Variants in AUTS2 observed in about 807,000 individuals in gnomAD.
AUTS2 encodes the protein activator of transcription and developmental regulator AUTS2.
A neutral mutation model predicts 112.4 loss-of-function variants in AUTS2; 17 were observed. The ratio of observed to expected loss-of-function variants is 0.15; its 90% confidence interval spans 0.10 to 0.23. The LOEUF (loss-of-function observed/expected upper bound fraction) is 0.23, where lower values mean the gene tolerates loss of function less well. Ranked by LOEUF, AUTS2 falls within the 10% of genes least tolerant of loss-of-function variation. The pLI, the probability that AUTS2 is intolerant of heterozygous loss-of-function variation, is 1.00. For missense variants in AUTS2, 1,510 were observed against 1,701.6 expected, an observed-to-expected ratio of 0.89 and a Z score of 1.98; for synonymous variants, 751 against 702.7, an observed-to-expected ratio of 1.07 and a Z score of -1.09.
intron 2 of AUTS2, among the ~76,000 whole-genome samples, chr7:69,914,342 GACACACACACACAGACAC>G (rs1795476517): frequency 1.2e-5 from 1 of 85,594 alleles, no homozygotes; most frequent in Non-Finnish European, 2.3e-5. Flanking sequence ...CACAGACACA[GACACACACACACAGACAC>G]ACACACACAC....
intron 1 of AUTS2, among the ~76,000 whole-genome samples, chr7:69,749,576 A>T (rs1274523685): frequency 1.3e-5 from 2 of 152,094 alleles, no homozygotes; most frequent in Non-Finnish European, 2.9e-5. Context: ...TTTCCCTTCC[A>T]GAGTATTTGT....
intron 1 of AUTS2, among the ~76,000 whole-genome samples, chr7:69,632,174 A>G (rs1482960297): frequency 2.6e-5 from 4 of 152,166 alleles, no homozygotes; most frequent in Admixed American, 1.3e-4. Context: ...AGGCTGTTCA[A>G]ATGTCTGGAT....
chr7:70,220,619 C>T (rs1021967107), intron 4 of AUTS2, among the ~76,000 whole-genome samples: 2 of 152,184 alleles, frequency 1.3e-5, no homozygotes, highest in Non-Finnish European at 2.9e-5. Context: ...CTAAGTAAGA[C>T]ATGACCTGGC....
chr7:70,157,840 A>G (rs1325523163), intron 4 of AUTS2, among the ~76,000 whole-genome samples: 1 of 152,114 alleles, frequency 6.6e-6, no homozygotes, highest in African/African-American at 2.4e-5. Context: ...CTGGGGCTCT[A>G]CCTCATTTGA....
rs998629242 is a variant in AUTS2 at position 70,362,531 on chromosome 7, G to A, written c.661-73221G>A. Among the ~76,000 whole-genome samples, 5 of 152,100 alleles carry A rather than the reference G, an allele frequency of 3.3e-5. No individual in the cohort carries two copies. In the East Asian group the frequency reaches 7.8e-4, roughly 24 times the overall value. On this transcript the variant is annotated intron_variant, in intron 4 of 18. Coordinates refer to ENST00000342771, the MANE Select transcript of AUTS2 (RefSeq NM_015570.4). ...GCAGTCTTATAAAATAAGTATGTTC[G>A]TTGATATTTCAAGCAGGAGAAATTC... is the stretch of plus-strand genomic sequence containing the variant.
intron 5 of AUTS2, among the ~76,000 whole-genome samples, chr7:70,470,023 A>T (rs1194728683): frequency 6.6e-6 from 1 of 152,262 alleles, no homozygotes; most frequent in Non-Finnish European, 1.5e-5. Flanking sequence ...CATGACACAC[A>T]TGGCTTAGCA....
At chr7:70,440,642 G>C (rs1481886610) in intron 5 of AUTS2, among the ~76,000 whole-genome samples, 1 of 152,168 alleles carries the variant, frequency 6.6e-6, no homozygotes, top group East Asian at 1.9e-4. Flanking sequence ...CCTTCTCCTG[G>C]ACACAGGCTG....
rs148854745 is a variant in AUTS2, at chr7:70,547,219, T to C, written c.690+111438T>C. 1.7e-3 allele frequency among the ~76,000 whole-genome samples: 266 copies of C among 152,290 alleles called. 1 individual carries two copies. Among genetic ancestry groups the C allele is most frequent in the African/African-American group, 6.1e-3 (255 of 41,570 alleles). On this transcript the variant is annotated intron_variant, in intron 5 of 18. Coordinates refer to ENST00000342771, the MANE Select transcript of AUTS2 (RefSeq NM_015570.4). ...TTTTCCATCTCTCTAGATGTGCTTT[T>C]TCTGGACATTTCATATAATGGAACA... is the stretch of plus-strand genomic sequence containing the variant.
At chr7:69,826,316 TA>T (rs1227536857) in intron 1 of AUTS2, among the ~76,000 whole-genome samples, 1 of 152,160 alleles carries the variant, frequency 6.6e-6, no homozygotes. Flanking sequence ...AGTTTATGGA[TA>T]AAAAAATTTA....
At chr7:69,674,099 T>G (rs1376192273) in intron 1 of AUTS2, among the ~76,000 whole-genome samples, 2 of 152,184 alleles carry the variant, frequency 1.3e-5, no homozygotes, top group Admixed American at 1.3e-4. Flanking sequence ...GGTTTCCCAC[T>G]GTGTCTGGGA....
intron 2 of AUTS2, among the ~76,000 whole-genome samples, chr7:69,960,932 G>C (rs762670943): frequency 2.6e-5 from 4 of 151,984 alleles, no homozygotes; most frequent in Non-Finnish European, 5.9e-5. Context: ...TATAAGAGGA[G>C]GTCATAAGTC....
At chr7:70,646,527 C>A (rs773502257) in intron 5 of AUTS2, among the ~76,000 whole-genome samples, 23 of 152,242 alleles carry the variant, frequency 1.5e-4, no homozygotes, top group Non-Finnish European at 2.9e-4. Context: ...CCCTGGCAGG[C>A]TTTTGATGGT....
chr7:70,070,592 G>A (rs1472024502), intron 2 of AUTS2, among the ~76,000 whole-genome samples: 3 of 151,830 alleles, frequency 2.0e-5, no homozygotes, highest in African/African-American at 7.3e-5. Flanking sequence ...GAGGCTAGGC[G>A]CAGTGGCTTA....
chr7:70,272,729 G>T (rs2129609230), intron 4 of AUTS2, among the ~76,000 whole-genome samples: 1 of 143,470 alleles, frequency 7.0e-6, no homozygotes, highest in South Asian at 2.3e-4. Flanking sequence ...AATGGTTGCT[G>T]TTTTTTTGTT....
chr7:70,413,048 G>A (rs1794841001), intron 4 of AUTS2, among the ~76,000 whole-genome samples: 1 of 152,212 alleles, frequency 6.6e-6, no homozygotes, highest in Non-Finnish European at 1.5e-5. Flanking sequence ...CCCATGCCCT[G>A]TCTGGCACTA....
intron 5 of AUTS2, among the ~76,000 whole-genome samples, chr7:70,537,318 A>G (rs890783070): frequency 6.6e-6 from 1 of 152,226 alleles, no homozygotes; most frequent in African/African-American, 2.4e-5. Context: ...GTACTACAAC[A>G]TTGGATTTTT....
intron 2 of AUTS2, among the ~76,000 whole-genome samples, chr7:70,065,945 C>T (rs1005849763): frequency 2.0e-5 from 3 of 152,064 alleles, no homozygotes; most frequent in African/African-American, 7.2e-5. Context: ...CGGCTTCATG[C>T]GATTCCCCTG....
At chr7:70,095,563 A>G (rs1053645995) in intron 2 of AUTS2, among the ~76,000 whole-genome samples, 6 of 152,210 alleles carry the variant, frequency 3.9e-5, no homozygotes, top group African/African-American at 1.4e-4. Context: ...ACTGTATGCC[A>G]GGTATTATGC....
intron 1 of AUTS2, among the ~76,000 whole-genome samples, chr7:69,767,937 G>C (rs1351716719): frequency 6.6e-6 from 1 of 152,160 alleles, no homozygotes; most frequent in East Asian, 1.9e-4. Flanking sequence ...CCTCTTCTGT[G>C]CCTTGCTTTG....
Sources: allele counts gnomAD v4.1 joint callset (sites outside exome capture counted in the v4.1 genomes callset), GRCh38; gene constraint gnomAD v4.1.1; transcripts MANE v1.5; gene names NCBI Gene and HGNC (gene_info 2026-07-23, HGNC 2026-07-21).